The following TSPOAP1 variants were observed in gnomAD, a reference collection of about 807,000 sequenced individuals.
The protein encoded by TSPOAP1 is peripheral-type benzodiazepine receptor-associated protein 1.
In TSPOAP1, 87 loss-of-function variants were observed where a neutral mutation model predicts 197.0. That is an observed-to-expected ratio of 0.44 (90% CI 0.37 to 0.53). The LOEUF is 0.53. Ranked by LOEUF, TSPOAP1 falls within the 20% of genes least tolerant of loss-of-function variation. The pLI is 0.00. For synonymous variants in TSPOAP1, 913 were observed against 998.9 expected (o/e 0.91, Z 1.62); for missense variants, 2,174 against 2,411.3 (o/e 0.90, Z 2.06).
In TSPOAP1 at chr17:58,322,112, C is replaced by A. The variant is rs929171758; in HGVS notation, c.1422+196G>T. On this transcript the variant is annotated intron_variant, in intron 10 of 31. Coordinates refer to ENST00000343736, the MANE Select transcript of TSPOAP1 (RefSeq NM_004758.4). The surrounding 1 kb of genome is among the most constrained non-coding windows in gnomAD (Gnocchi z 5.0). Reference sequence around the variant, plus strand: ...TGTCACATCACCCTGTTCTTCTCCACCACTGTGCTCATCAGTGTCTGAAAT... The same window carrying A: ...TGTCACATCACCCTGTTCTTCTCCAACACTGTGCTCATCAGTGTCTGAAAT... The A allele has an allele frequency of 6.7e-6, 4 of 596,248 alleles. No homozygotes were observed. Among genetic ancestry groups the A allele is most frequent in the Non-Finnish European group, 1.2e-5 (4 of 338,562 alleles). The allele number at this position is 596,248 out of a possible 1,614,324, so 36.9% of individuals were successfully genotyped here. A position where few individuals can be genotyped will look rare whatever the true frequency, so the allele number is the denominator to read the frequency against.
At chr17:58,325,480 C>T (rs748450522) in intron 4 of TSPOAP1, 54 bp downstream of exon 4, 67 of 1,600,232 alleles carry the variant, frequency 4.2e-5, no homozygotes, top group Non-Finnish European at 5.2e-5. Context: ...CCACAACAGG[C>T]AGATGGCCCT....
chr17:58,322,846 C>A lies in TSPOAP1; in HGVS notation c.1195-70G>T. ...CCCACCAGCACCCTCACAGGGGGAA[C>A]AGTACCCTACCCCTGCTCAGGGGTG... On this transcript the variant is annotated intron_variant, in intron 8 of 31. Transcript: ENST00000343736. The surrounding 1 kb of genome is among the most constrained non-coding windows in gnomAD (Gnocchi z 5.0). The A allele has an allele frequency of 6.2e-7, 1 of 1,606,400 alleles. No homozygotes were observed. The highest frequency in any genetic ancestry group is 8.5e-7 in the Non-Finnish European group (1 of 1,175,450).
Position 58,322,520 on chromosome 17 carries a change from C to G in TSPOAP1, c.1318-108G>C, listed in dbSNP as rs918654296. 1.3e-6 allele frequency: 2 copies of G among 1,545,346 alleles called. No homozygotes were observed. The highest frequency in any genetic ancestry group is 2.7e-5 in the African/African-American group (2 of 73,312). On this transcript the variant is annotated intron_variant, in intron 9 of 31. Coordinates refer to ENST00000343736, the MANE Select transcript of TSPOAP1 (RefSeq NM_004758.4). This position sits in a 1 kb window ranked among gnomAD's most constrained non-coding sequence, Gnocchi z 5.0. ...CCATTTGCTCCAGATTCCTCTATTA[C>G]AAAGGAAACTGAGCCTGGAGCAGCT... is the stretch of plus-strand genomic sequence containing the variant.
intron 25 of TSPOAP1, 52 bp from the exon 26 acceptor site, chr17:58,306,465 GACT>G (rs1164510179): frequency 2.7e-6 from 4 of 1,485,192 alleles, no homozygotes; most frequent in Non-Finnish European, 3.7e-6. Context: ...GGAGAGACAG[GACT>G]GGGACTCTGG....
In TSPOAP1 at chr17:58,304,329, C is replaced by T; in HGVS notation, c.*32+9G>A. Reference sequence around the variant, plus strand: ...GGACGGTCACACAGGGGGGCAGTCCCCCACTTACATGTTGCTCTCTCTACA... The same window carrying T: ...GGACGGTCACACAGGGGGGCAGTCCTCCACTTACATGTTGCTCTCTCTACA... On this transcript the variant is annotated intron_variant, in intron 31 of 31. Coordinates refer to ENST00000343736, the MANE Select transcript of TSPOAP1 (RefSeq NM_004758.4). This position sits in a 1 kb window ranked among gnomAD's most constrained non-coding sequence, Gnocchi z 4.2. The T allele has an allele frequency of 1.2e-5, 20 of 1,611,994 alleles. No individual in the cohort carries two copies. Among genetic ancestry groups the T allele is most frequent in the Non-Finnish European group, 1.7e-5 (20 of 1,178,264 alleles).
chr17:58,304,295 A>AG lies in TSPOAP1; in HGVS notation c.*32+42dup. 9.1e-6 allele frequency: 14 copies of AG among 1,539,666 alleles called. No individual in the cohort carries two copies. The highest frequency in any genetic ancestry group is 1.2e-5 in the Non-Finnish European group (13 of 1,113,408). ...AAGGAGCACTGTCTGATTATGGTCA[A>AG]GTGGGGGTGGACGGTCACACAGGGG... is the stretch of plus-strand genomic sequence containing the variant. On this transcript the variant is annotated intron_variant, in intron 31 of 31. Coordinates refer to ENST00000343736, the MANE Select transcript of TSPOAP1 (RefSeq NM_004758.4). This position sits in a 1 kb window ranked among gnomAD's most constrained non-coding sequence, Gnocchi z 4.2.
chr17:58,320,181 T>C, intron 11 of TSPOAP1, 52 bp from the exon 12 acceptor site: 1 of 1,612,204 alleles, frequency 6.2e-7, no homozygotes, highest in South Asian at 1.1e-5. Flanking sequence ...GCGCTGTGGG[T>C]TGCTAACCCA....
chr17:58,326,219 C>A lies in TSPOAP1; in HGVS notation c.570+74G>T. ...GAGACCGTGACTCCCAAGCTTCAGA[C>A]AGCCCTCAGGCCCAGCCCTGGCTCC... On this transcript the variant is annotated intron_variant, in intron 3 of 31. Coordinates refer to ENST00000343736, the MANE Select transcript of TSPOAP1 (RefSeq NM_004758.4). This position sits in a 1 kb window ranked among gnomAD's most constrained non-coding sequence, Gnocchi z 4.7. 6.3e-7 allele frequency: 1 copy of A among 1,583,248 alleles called. No individual in the cohort carries two copies. Among genetic ancestry groups the A allele is most frequent in the Non-Finnish European group, 8.6e-7 (1 of 1,165,372 alleles).
rs368805395 is a variant in TSPOAP1, at chr17:58,320,067, C to A, written c.1494+42G>T. 3.7e-6 allele frequency: 6 copies of A among 1,613,666 alleles called. No homozygotes were observed. The East Asian group carries it at 1.1e-4, about 30-fold the overall frequency. On this transcript the variant is annotated intron_variant, in intron 12 of 31. Transcript: ENST00000343736. ...CCCTGAGGGAGGAGATGCAACTCAG[C>A]CAGCCTGGAGAGGTGTGGGGAAGTG...
chr17:58,312,205 G>T lies in TSPOAP1; in HGVS notation c.2616C>A (p.Arg872=). Residue 872 remains arginine (R), a synonymous_variant, in exon 17 of 32, where the codon CGC becomes CGA. Transcript: ENST00000343736. ...LTSRGSSDPL[R]CCLAVGARAG... ...CCCGGGCACCCACCGCCAAGCAACA[G>T]CGCAGTGGGTCAGAGCTGCCCCGGC... 1.9e-6 allele frequency: 3 copies of T among 1,612,970 alleles called. No individual in the cohort carries two copies. Among genetic ancestry groups the T allele is most frequent in the Non-Finnish European group, 2.5e-6 (3 of 1,179,938 alleles).
At chr17:58,314,516 G>A (rs1971161370) in intron 16 of TSPOAP1, among the ~76,000 whole-genome samples, 1 of 152,228 alleles carries the variant, frequency 6.6e-6, no homozygotes, top group African/African-American at 2.4e-5. Flanking sequence ...AGAGACTGGA[G>A]TGAGGTGGCC....
In TSPOAP1 at chr17:58,326,504, C is replaced by T; in HGVS notation, c.442-83G>A. Reference sequence around the variant, plus strand: ...TAACAGCCCAAGTCTTGGGCTAGAGCCCTAGGCTCACAGTGGGGTCCTTGG... The same window carrying T: ...TAACAGCCCAAGTCTTGGGCTAGAGTCCTAGGCTCACAGTGGGGTCCTTGG... On this transcript the variant is annotated intron_variant, in intron 2 of 31. Coordinates refer to ENST00000343736, the MANE Select transcript of TSPOAP1 (RefSeq NM_004758.4). The surrounding 1 kb of genome is among the most constrained non-coding windows in gnomAD (Gnocchi z 4.7). 1.3e-6 allele frequency: 2 copies of T among 1,576,902 alleles called. No individual in the cohort carries two copies. The highest frequency in any genetic ancestry group is 1.7e-6 in the Non-Finnish European group (2 of 1,160,612).
Position 58,324,872 on chromosome 17 carries a change from C to G in TSPOAP1, c.881G>C (p.Trp294Ser). 1 of 1,531,602 alleles carries G rather than the reference C, an allele frequency of 6.5e-7. No homozygotes were observed. Among genetic ancestry groups the G allele is most frequent in the African/African-American group, 1.4e-5 (1 of 72,862 alleles). The allele number at this position is 1,531,602 out of a possible 1,614,324, so 94.9% of individuals were successfully genotyped here. Residue 294 changes from tryptophan (W) to serine (S), a missense_variant, in exon 5 of 32, where the codon TGG becomes TCG. Trp to Ser is a radical substitution (Grantham distance 177). Transcript: ENST00000343736. The surrounding 1 kb of genome is among the most constrained non-coding windows in gnomAD (Gnocchi z 5.8). Reference protein sequence around the residue: ...QRETLPLPPSWPPGPALQARA... With the variant: ...QRETLPLPPSSPPGPALQARA... Reference sequence around the variant, plus strand: ...GGCCTGGAGAGCAGGGCCCGGGGGCCAGGACGGCGGGAGCGGGAGCGTCTC... The same window carrying G: ...GGCCTGGAGAGCAGGGCCCGGGGGCGAGGACGGCGGGAGCGGGAGCGTCTC...
At position 58,312,650 on chromosome 17, in the gene TSPOAP1, A is replaced by G; in HGVS notation, c.2171T>C (p.Leu724Pro). 6.2e-7 allele frequency: 1 copy of G among 1,613,748 alleles called. No individual in the cohort carries two copies. Among genetic ancestry groups the G allele is most frequent in the Non-Finnish European group, 8.5e-7 (1 of 1,179,966 alleles). ...FVERVSDDDL[L>P]TSLPPELADL... is the part of the protein sequence containing the mutation. ...GGCCAGCTCTGGAGGGAGGGAGGTCAGGAGGTCATCATCCGACACACGCTC... is the reference window on the plus strand; with the variant it reads ...GGCCAGCTCTGGAGGGAGGGAGGTCGGGAGGTCATCATCCGACACACGCTC... The change falls in exon 17 of 32, where the codon CTG becomes CCG. Residue 724 changes from leucine (L) to proline (P), a missense_variant. This residue lies in a region of TSPOAP1 where 1,933 missense variants were observed against 2,139.0 expected (regional missense o/e 0.90). Transcript: ENST00000343736.
In TSPOAP1 at chr17:58,309,917, GC is replaced by G; in HGVS notation, c.3891+49del. On this transcript the variant is annotated intron_variant, in intron 21 of 31. Coordinates refer to ENST00000343736, the MANE Select transcript of TSPOAP1 (RefSeq NM_004758.4). The surrounding 1 kb of genome is among the most constrained non-coding windows in gnomAD (Gnocchi z 5.0). ...GCACCTGCTGACACACAGTGGGGAG[GC>G]CCCGGAGTTTGAGGCCTGGGGCCCA... 1 of 1,560,946 alleles carries G rather than the reference GC, an allele frequency of 6.4e-7. No individual in the cohort carries two copies.
chr17:58,321,454 T>C (rs899266055), intron 10 of TSPOAP1, among the ~76,000 whole-genome samples: 18 of 152,060 alleles, frequency 1.2e-4, no homozygotes, highest in African/African-American at 4.3e-4. Flanking sequence ...CCCGCCACCA[T>C]GTCAGGTTAA....
At position 58,326,573 on chromosome 17, in the gene TSPOAP1, G is replaced by C. The variant is rs1971618752; in HGVS notation, c.441+110C>G. On this transcript the variant is annotated intron_variant, in intron 2 of 31. Coordinates refer to ENST00000343736, the MANE Select transcript of TSPOAP1 (RefSeq NM_004758.4). The surrounding 1 kb of genome is among the most constrained non-coding windows in gnomAD (Gnocchi z 4.7). ...CACCCTCTCTGGGTCTCAGGATTTT[G>C]TCACCTCCATTGAGCCCCCACTTGG... 3 of 1,528,614 alleles carry C rather than the reference G, an allele frequency of 2.0e-6. No homozygotes were observed. Among genetic ancestry groups the C allele is most frequent in the Admixed American group, 1.8e-5 (1 of 54,382 alleles). 94.7% of individuals were successfully genotyped at this position (1,528,614 alleles called of 1,614,324 possible).
In TSPOAP1 at chr17:58,309,496, C is replaced by CTTTGTAATG; in HGVS notation, c.3892-117_3892-116insCATTACAAA. The CTTTGTAATG allele has an allele frequency of 7.3e-7, 1 of 1,372,648 alleles. No homozygotes were observed. The highest frequency in any genetic ancestry group is 9.7e-7 in the Non-Finnish European group (1 of 1,033,902). 85.0% of individuals were successfully genotyped at this position (1,372,648 alleles called of 1,614,324 possible). A position where few individuals can be genotyped will look rare whatever the true frequency, so the allele number is the denominator to read the frequency against. On this transcript the variant is annotated intron_variant, in intron 21 of 31. Coordinates refer to ENST00000343736, the MANE Select transcript of TSPOAP1 (RefSeq NM_004758.4). The surrounding 1 kb of genome is among the most constrained non-coding windows in gnomAD (Gnocchi z 5.0). ...CGAAGGCAGGGGTTACGGACAACCC[C>CTTTGTAATG]ACAGCCCTCCCACGGCTTCCTCCGA...
Position 58,323,002 on chromosome 17 carries a change from C to A in TSPOAP1, c.1142G>T (p.Arg381Leu), listed in dbSNP as rs367733642. Residue 381 changes from arginine to leucine, a missense_variant, in exon 8 of 32, where the codon CGC (arginine) becomes CTC (leucine). Coordinates refer to ENST00000343736, the MANE Select transcript of TSPOAP1 (RefSeq NM_004758.4). The stretch of plus-strand genomic sequence containing the variant: ...GAGCCGGGAGTTCTCCTCCACCAGG[C>A]GGGCATTCTCATTCTGCGCTTGTCT... ...QLRQAQNENARLVEENSRLSG... is the reference protein window; with the variant it reads ...QLRQAQNENALLVEENSRLSG... 6.8e-6 allele frequency: 11 copies of A among 1,611,302 alleles called. No individual in the cohort carries two copies. The African/African-American group carries it at 1.1e-4, about 16-fold the overall frequency.
Sources: gnomAD v4.1 joint callset for allele counts (sites outside exome capture counted in the v4.1 genomes callset) on GRCh38, gnomAD v4.1.1 for gene constraint, gnomAD v4.1.1 regional missense constraint, Gnocchi (gnomAD v3.1) non-coding constraint, MANE v1.5 for transcripts, NCBI Gene and HGNC (gene_info 2026-07-23, HGNC 2026-07-21) for gene names.